RAP2A: variants seen among roughly 807,000 people sequenced by gnomAD.
The protein encoded by RAP2A is ras-related protein Rap-2a.
Under a neutral mutation model 15.1 loss-of-function variants are expected in RAP2A, and 5 were observed. That is an observed-to-expected ratio of 0.33 (90% CI 0.17 to 0.70). The LOEUF is 0.70. RAP2A is among the 30% of genes least tolerant of loss of function. The probability of loss-of-function intolerance (pLI) is 0.68; values close to 1 mark genes in which losing one functional copy is unlikely to be tolerated. For missense variants in RAP2A, 111 were observed against 240.3 expected (o/e 0.46, Z 3.56); for synonymous variants, 110 against 99.7 (o/e 1.10, Z -0.62).
chr13:97,444,386 C>T (rs766223974), intron 1 of RAP2A, among the ~76,000 whole-genome samples: 2 of 152,150 alleles, frequency 1.3e-5, no homozygotes, highest in East Asian at 1.9e-4. Flanking sequence ...TTAATAATGA[C>T]AGTAGACCTC....
At chr13:97,447,859 C>T (rs1025227072) in intron 1 of RAP2A, among the ~76,000 whole-genome samples, 3 of 152,176 alleles carry the variant, frequency 2.0e-5, no homozygotes, top group African/African-American at 7.2e-5. Flanking sequence ...ATAAAACATT[C>T]ATTGCCCTTG....
chr13:97,439,478 G>C (rs988613663), intron 1 of RAP2A, among the ~76,000 whole-genome samples: 3 of 152,260 alleles, frequency 2.0e-5, no homozygotes, highest in Middle Eastern at 3.4e-3. Flanking sequence ...AAGAGGAAAA[G>C]GTCAGAAGTA....
In RAP2A at chr13:97,460,134, C is replaced by G. The variant is rs117178797; in HGVS notation, c.315-4071C>G. 3.3e-5 allele frequency among the ~76,000 whole-genome samples: 5 copies of G among 152,312 alleles called. No homozygotes were observed. The East Asian group carries it at 9.6e-4, about 29-fold the overall frequency. On this transcript the variant is annotated intron_variant, in intron 1 of 1. Coordinates refer to ENST00000245304, the MANE Select transcript of RAP2A (RefSeq NM_021033.7). ...AGTTCTGCTGTTGAGTCAGAGCATG[C>G]TGGCAGTAGTGGCTCCGCTTGTAGA...
At chr13:97,451,492 A>G (rs1028777724) in intron 1 of RAP2A, among the ~76,000 whole-genome samples, 1 of 152,138 alleles carries the variant, frequency 6.6e-6, no homozygotes, top group African/African-American at 2.4e-5. Context: ...GTGTTGTTGC[A>G]TGGACCAGTA....
At position 97,443,472 on chromosome 13, in the gene RAP2A, C is replaced by G. The variant is rs572048442; in HGVS notation, c.314+8688C>G. 3.9e-5 allele frequency among the ~76,000 whole-genome samples: 6 copies of G among 152,310 alleles called. No homozygotes were observed. In the South Asian group the frequency reaches 8.3e-4, roughly 21 times the overall value. On this transcript the variant is annotated intron_variant, in intron 1 of 1. Coordinates refer to ENST00000245304, the MANE Select transcript of RAP2A (RefSeq NM_021033.7). ...GCGCCATCAGAGCTTACTGCAGCCT[C>G]TAACTCCTGGGCTCAAGCAACCCTT...
chr13:97,434,891 T>A, intron 1 of RAP2A, 107 bp downstream of exon 1: 4 of 1,463,022 alleles, frequency 2.7e-6, no homozygotes, highest in Non-Finnish European at 3.7e-6. Context: ...GGGGGGTGGC[T>A]CCAAGCTGGA....
intron 1 of RAP2A, chr13:97,437,512 C>T (rs2066639507): frequency 6.6e-6 from 1 of 152,204 alleles, no homozygotes; most frequent in South Asian, 2.1e-4. Context: ...TACCAGTACA[C>T]AGAAATTGCT....
intron 1 of RAP2A, among the ~76,000 whole-genome samples, chr13:97,441,463 G>T (rs1258208527): frequency 6.6e-6 from 1 of 152,138 alleles, no homozygotes; most frequent in Admixed American, 6.5e-5. Context: ...TAATTTCTGT[G>T]TGTGAAGTTC....
intron 1 of RAP2A, among the ~76,000 whole-genome samples, chr13:97,463,614 C>T (rs1011550730): frequency 3.9e-5 from 6 of 152,052 alleles, no homozygotes; most frequent in Non-Finnish European, 7.4e-5. Context: ...ACTATTAGAA[C>T]GAACATGATC....
intron 1 of RAP2A, 57 bp downstream of exon 1, chr13:97,434,841 C>CCACCG: frequency 6.3e-7 from 1 of 1,593,288 alleles, no homozygotes; most frequent in Non-Finnish European, 8.6e-7. Context: ...CGTCCCGGGG[C>CCACCG]TGGAACTCCC....
rs1262361900 is a variant in RAP2A, at chr13:97,468,170, AAAT to A, written c.*3731_*3733del. On this transcript the variant is annotated 3_prime_UTR_variant, in exon 2 of 2. Coordinates refer to ENST00000245304, the MANE Select transcript of RAP2A (RefSeq NM_021033.7). The stretch of plus-strand genomic sequence containing the variant: ...TAATTTTCATAGTCTTTAAAAATAA[AAAT>A]AACATGTAAGAGACTGTAAAATCAG... 3 of 152,362 alleles carry A rather than the reference AAAT, an allele frequency of 2.0e-5. 1 individual carries two copies. The highest frequency in any genetic ancestry group is 2.1e-4 in the South Asian group (1 of 4,832). 9.4% of individuals were successfully genotyped at this position (152,362 alleles called of 1,614,324 possible).
chr13:97,449,776 C>T (rs917466245), intron 1 of RAP2A, among the ~76,000 whole-genome samples: 20 of 151,976 alleles, frequency 1.3e-4, no homozygotes, highest in African/African-American at 4.8e-4. Flanking sequence ...AGTGAAAAGA[C>T]CTTTTTAATA....
At chr13:97,449,246 G>T (rs2066692165) in intron 1 of RAP2A, among the ~76,000 whole-genome samples, 1 of 152,128 alleles carries the variant, frequency 6.6e-6, no homozygotes. Flanking sequence ...TTGGTTGGGG[G>T]AATCACTGAA....
chr13:97,435,465 C>CAAAAAAA (rs35791914), intron 1 of RAP2A, among the ~76,000 whole-genome samples: 5 of 63,650 alleles, frequency 7.9e-5, no homozygotes, highest in Admixed American at 3.5e-4. Flanking sequence ...TAACCCCTTC[C>CAAAAAAA]AAAAAAAAAA....
At chr13:97,455,410 T>C (rs2066718819) in intron 1 of RAP2A, among the ~76,000 whole-genome samples, 1 of 151,544 alleles carries the variant, frequency 6.6e-6, no homozygotes, top group Non-Finnish European at 1.5e-5. Context: ...AATTAGTTTT[T>C]CTGGTTCTTT....
chr13:97,450,556 A>T (rs1282863594), intron 1 of RAP2A, among the ~76,000 whole-genome samples: 1 of 151,986 alleles, frequency 6.6e-6, no homozygotes, highest in Non-Finnish European at 1.5e-5. Context: ...TAAATGACAT[A>T]TTTTTTATTA....
intron 1 of RAP2A, among the ~76,000 whole-genome samples, chr13:97,463,077 A>T (rs1277988551): frequency 1.3e-5 from 2 of 152,150 alleles, no homozygotes; most frequent in Non-Finnish European, 2.9e-5. Flanking sequence ...AGCTCCTTTA[A>T]ATCAGAAATA....
At chr13:97,443,532 G>A (rs540978498) in intron 1 of RAP2A, among the ~76,000 whole-genome samples, 1 of 152,198 alleles carries the variant, frequency 6.6e-6, no homozygotes, top group South Asian at 2.1e-4. Context: ...GGACTACAGA[G>A]CAGGCACCAC....
Position 97,467,988 on chromosome 13 carries a change from G to A in RAP2A, c.*3546G>A, listed in dbSNP as rs2066779976. On this transcript the variant is annotated 3_prime_UTR_variant, in exon 2 of 2. Coordinates refer to ENST00000245304, the MANE Select transcript of RAP2A (RefSeq NM_021033.7). ...ATTTTAACAAATAAATTTATTTAAT[G>A]AAACTCTGGATTTGCTTTGTTTTGT... is the stretch of plus-strand genomic sequence containing the variant. The A allele has an allele frequency of 6.6e-6, 1 of 152,268 alleles. No homozygotes were observed. The highest frequency in any genetic ancestry group is 1.9e-4 in the East Asian group (1 of 5,182). 9.4% of individuals were successfully genotyped at this position (152,268 alleles called of 1,614,324 possible).
Sources: allele counts gnomAD v4.1 joint callset (sites outside exome capture counted in the v4.1 genomes callset), GRCh38; gene constraint gnomAD v4.1.1; transcripts MANE v1.5; gene names NCBI Gene and HGNC (gene_info 2026-07-23, HGNC 2026-07-21).